The following RABGAP1L variants were observed in gnomAD, a reference collection of about 807,000 sequenced individuals.
RABGAP1L encodes rab GTPase-activating protein 1-like.
In RABGAP1L, 63 loss-of-function variants were observed where a neutral mutation model predicts 137.7. That is an observed-to-expected ratio of 0.46 (90% confidence interval 0.37 to 0.56). The LOEUF is 0.56. Among genes scored for constraint, RABGAP1L ranks in the 20% least tolerant of loss-of-function variants. The pLI is 0.00. For synonymous variants in RABGAP1L, 431 were observed against 433.7 expected (o/e 0.99, Z 0.08); for missense variants, 1,095 against 1,244.0 (o/e 0.88, Z 1.80).
intron 13 of RABGAP1L, among the ~76,000 whole-genome samples, chr1:174,527,993 G>C (rs1664058934): frequency 7.2e-6 from 1 of 139,688 alleles, no homozygotes; most frequent in Non-Finnish European, 1.5e-5. Flanking sequence ...GTTTCCATTT[G>C]AGTAGACTTT....
At position 174,612,925 on chromosome 1, in the gene RABGAP1L, C is replaced by T. The variant is rs367989891; in HGVS notation, c.1711-24450C>T. Among the ~76,000 whole-genome samples, 160 of 151,360 alleles carry T rather than the reference C, an allele frequency of 1.1e-3. 1 individual carries two copies. The highest frequency in any genetic ancestry group is 8.1e-3 in the East Asian group (42 of 5,178). On this transcript the variant is annotated intron_variant, in intron 13 of 25. Coordinates refer to ENST00000681986, the MANE Select transcript of RABGAP1L (RefSeq NM_001366446.1). ...ATATCCCCTTTATCATTTTTTATTG[C>T]GTCTATTTGATTCTTCTCTCTTTTC...
chr1:174,447,890 G>GCCCCCCCCCCCCCCC (rs11321562), intron 13 of RABGAP1L, among the ~76,000 whole-genome samples: 22 of 69,564 alleles, frequency 3.2e-4, no homozygotes, highest in East Asian at 7.7e-4. Flanking sequence ...ACCCCTTACC[G>GCCCCCCCCCCCCCCC]CCCCCCCCCC....
chr1:174,330,676 A>G lies in RABGAP1L; in HGVS notation c.1465+25549A>G, dbSNP rs183842829. Among the ~76,000 whole-genome samples the G allele has an allele frequency of 2.9e-3, 437 of 152,324 alleles. 1 individual carries two copies. Among genetic ancestry groups the G allele is most frequent in the African/African-American group, 9.7e-3 (403 of 41,578 alleles). ...CATTGAAAATTATAAAACATTGGTG[A>G]AAGAAATTGAAGACAATATAAATGA... On this transcript the variant is annotated intron_variant, in intron 11 of 25. Coordinates refer to ENST00000681986, the MANE Select transcript of RABGAP1L (RefSeq NM_001366446.1).
At chr1:174,638,878 G>A (rs1314171096) in intron 14 of RABGAP1L, among the ~76,000 whole-genome samples, 1 of 131,336 alleles carries the variant, frequency 7.6e-6, no homozygotes, top group South Asian at 2.7e-4. Flanking sequence ...ACACTCTGGG[G>A]ACTGTGGTGG....
intron 19 of RABGAP1L, among the ~76,000 whole-genome samples, chr1:174,822,422 A>G (rs1294919027): frequency 6.6e-6 from 1 of 152,190 alleles, no homozygotes; most frequent in Non-Finnish European, 1.5e-5. Flanking sequence ...TTAATGTTGG[A>G]CATGTTCTGA....
chr1:174,315,622 CT>C (rs35771793), intron 11 of RABGAP1L, among the ~76,000 whole-genome samples: 41,300 of 132,484 alleles, frequency 0.31, 6,215 homozygotes, highest in African/African-American at 0.4. Context: ...CATTTCTTGC[CT>C]TTTTTTTTTT....
intron 19 of RABGAP1L, among the ~76,000 whole-genome samples, chr1:174,856,505 CAATT>C (rs1649332663): frequency 6.6e-6 from 1 of 151,900 alleles, no homozygotes; most frequent in African/African-American, 2.4e-5. Context: ...TTAGACTAAC[CAATT>C]ACACATTGGA....
At chr1:174,622,120 C>A (rs1376239250) in intron 13 of RABGAP1L, among the ~76,000 whole-genome samples, 1 of 152,136 alleles carries the variant, frequency 6.6e-6, no homozygotes, top group Non-Finnish European at 1.5e-5. Flanking sequence ...TCATCACTGG[C>A]CATCAGAGAA....
chr1:174,424,664 T>C (rs1651746188), intron 13 of RABGAP1L, among the ~76,000 whole-genome samples: 1 of 152,074 alleles, frequency 6.6e-6, no homozygotes, highest in Non-Finnish European at 1.5e-5. Flanking sequence ...ATCACACACT[T>C]TCTCAATTGT....
intron 13 of RABGAP1L, among the ~76,000 whole-genome samples, chr1:174,577,505 A>G (rs1668469747): frequency 1.3e-5 from 2 of 152,064 alleles, no homozygotes; most frequent in African/African-American, 4.8e-5. Context: ...TGTTACTGCC[A>G]CCAACACCAC....
At chr1:174,935,967 G>A (rs1664713909) in intron 19 of RABGAP1L, among the ~76,000 whole-genome samples, 2 of 93,134 alleles carry the variant, frequency 2.1e-5, no homozygotes, top group Admixed American at 1.7e-4. Context: ...GACAACAAGA[G>A]TAAACCTCCA....
intron 17 of RABGAP1L, among the ~76,000 whole-genome samples, chr1:174,734,862 C>G (rs546570686): frequency 2.0e-5 from 3 of 149,968 alleles, no homozygotes; most frequent in Non-Finnish European, 4.4e-5. Context: ...CCTACTAATT[C>G]TTCAGATTGC....
intron 1 of RABGAP1L, among the ~76,000 whole-genome samples, chr1:174,189,647 G>A (rs1667067480): frequency 6.6e-6 from 1 of 152,170 alleles, no homozygotes; most frequent in African/African-American, 2.4e-5. Context: ...GGATTATCAT[G>A]GGAGTGAGAC....
At chr1:174,960,137 A>G (rs1668955780) in intron 20 of RABGAP1L, among the ~76,000 whole-genome samples, 1 of 152,036 alleles carries the variant, frequency 6.6e-6, no homozygotes, top group Non-Finnish European at 1.5e-5. Context: ...TCATTTCCAC[A>G]CCCTAGCTTG....
At chr1:174,685,803 C>T (rs564623232) in intron 15 of RABGAP1L, among the ~76,000 whole-genome samples, 7 of 152,258 alleles carry the variant, frequency 4.6e-5, no homozygotes, top group Non-Finnish European at 7.4e-5. Context: ...TCAAGTGTGC[C>T]GTCTGCCTTG....
At chr1:174,359,108 A>G (rs1274643512) in intron 11 of RABGAP1L, among the ~76,000 whole-genome samples, 1 of 151,384 alleles carries the variant, frequency 6.6e-6, no homozygotes, top group African/African-American at 2.4e-5. Flanking sequence ...AATGGGATAC[A>G]GTTGCTTTTT....
intron 12 of RABGAP1L, among the ~76,000 whole-genome samples, chr1:174,371,404 G>A (rs1685102138): frequency 6.6e-6 from 1 of 151,894 alleles, no homozygotes; most frequent in African/African-American, 2.4e-5. Context: ...GCATTTAAAT[G>A]TCTACTGTTA....
intron 19 of RABGAP1L, among the ~76,000 whole-genome samples, chr1:174,833,426 A>G (rs1207382470): frequency 7.1e-5 from 8 of 112,482 alleles, no homozygotes; most frequent in African/African-American, 1.7e-4. Context: ...GTGTGTGTAT[A>G]TATATATGTG....
intron 1 of RABGAP1L, among the ~76,000 whole-genome samples, chr1:174,173,292 G>A (rs945006958): frequency 3.2e-4 from 48 of 151,992 alleles, no homozygotes; most frequent in African/African-American, 9.2e-4. Flanking sequence ...CACCATGCCC[G>A]GCTAGTTTTG....
Sources: allele counts gnomAD v4.1 joint callset (sites outside exome capture counted in the v4.1 genomes callset), GRCh38; gene constraint gnomAD v4.1.1; transcripts MANE v1.5; gene names NCBI Gene and HGNC (gene_info 2026-07-23, HGNC 2026-07-21).